ZNF468: variants seen among roughly 807,000 people sequenced by gnomAD.
The protein encoded by ZNF468 is zinc finger protein ZNF468.
A neutral mutation model predicts 7.2 loss-of-function variants in ZNF468; 8 were observed. The observed-to-expected ratio is 1.11, with a 90% CI of 0.65 to 2.01. ZNF468 has a LOEUF of 2.01. Among genes scored for constraint, ZNF468 ranks in the 30% most tolerant of loss-of-function variants. The probability of loss-of-function intolerance (pLI) is 0.00; values close to 1 mark genes in which losing one functional copy is unlikely to be tolerated. For synonymous variants in ZNF468, 218 were observed against 214.4 expected, an observed-to-expected ratio of 1.02 and a Z score of -0.15; for missense variants, 608 against 626.5, an observed-to-expected ratio of 0.97 and a Z score of 0.31.
intron 2 of ZNF468, among the ~76,000 whole-genome samples, chr19:52,850,681 C>T (rs1192142203): frequency 5.9e-5 from 9 of 151,736 alleles, no homozygotes; most frequent in Non-Finnish European, 1.2e-4. Flanking sequence ...GGGCGGATCA[C>T]GAGGTCAGGA....
chr19:52,839,000 CT>C lies in ZNF468; in HGVS notation c.*1724del. 1 of 152,368 alleles carries C rather than the reference CT, an allele frequency of 6.6e-6. No homozygotes were observed. The highest frequency in any genetic ancestry group is 1.9e-4 in the East Asian group (1 of 5,176). 9.4% of individuals were successfully genotyped at this position (152,368 alleles called of 1,614,324 possible). A position where few individuals can be genotyped will look rare whatever the true frequency, so the allele number is the denominator to read the frequency against. On this transcript the variant is annotated 3_prime_UTR_variant, in exon 4 of 4. Transcript: ENST00000595646. Reference sequence around the variant, plus strand: ...AGGCACAGTGGCTCACTCCTGTAATCTCAGCACTTTGGGAGGTGGAGTCGGG... The same window carrying C: ...AGGCACAGTGGCTCACTCCTGTAATCCAGCACTTTGGGAGGTGGAGTCGGG...
chr19:52,839,358 T>G lies in ZNF468; in HGVS notation c.*1367A>C, dbSNP rs534188175. ...CTCCAGTGACCTACCTGTCTTTGCC[T>G]CTCAAAGTGCTGGAATTACAGGCAT... On this transcript the variant is annotated 3_prime_UTR_variant, in exon 4 of 4. Coordinates refer to ENST00000595646, the MANE Select transcript of ZNF468 (RefSeq NM_001008801.2). The G allele has an allele frequency of 1.8e-5, 4 of 218,224 alleles. No homozygotes were observed. The South Asian group carries it at 1.9e-4, about 10-fold the overall frequency. 13.5% of individuals were successfully genotyped at this position (218,224 alleles called of 1,614,324 possible).
rs565823258 is a variant in ZNF468 at position 52,847,489 on chromosome 19, G to A, written c.142+1598C>T. On this transcript the variant is annotated intron_variant, in intron 3 of 3. Coordinates refer to ENST00000595646, the MANE Select transcript of ZNF468 (RefSeq NM_001008801.2). The stretch of plus-strand genomic sequence containing the variant: ...CCTGTAAAGAGCCTGTGCTGAGGAG[G>A]AGTAGTGAAAGAGGGAGGCCTCTTT... 8.1e-3 allele frequency among the ~76,000 whole-genome samples: 1,225 copies of A among 150,566 alleles called. 10 individuals are homozygous for A. The highest frequency in any genetic ancestry group is 0.032 in the South Asian group (147 of 4,660).
rs575678134 is a variant in ZNF468 at position 52,854,484 on chromosome 19, T to C, written c.-73-139A>G. ...CACTGCACAATGAACAAAAAATTCC[T>C]ACAGGAAAACTCCCACTCTCCTCCT... On this transcript the variant is annotated intron_variant, in intron 1 of 3. Coordinates refer to ENST00000595646, the MANE Select transcript of ZNF468 (RefSeq NM_001008801.2). The C allele has an allele frequency of 2.6e-5, 24 of 933,468 alleles. No individual in the cohort carries two copies. The East Asian group carries it at 6.5e-4, about 25-fold the overall frequency. 57.8% of individuals were successfully genotyped at this position (933,468 alleles called of 1,614,324 possible).
Position 52,838,667 on chromosome 19 carries a change from C to T in ZNF468, c.*2058G>A, listed in dbSNP as rs1848692938. On this transcript the variant is annotated 3_prime_UTR_variant, in exon 4 of 4. Transcript: ENST00000595646. ...TTATTTGCAGAATAGAATAACAGCA[C>T]CAAAAATTAGTTGAATTTCCATACA... The T allele has an allele frequency of 6.6e-6, 1 of 151,706 alleles. No individual in the cohort carries two copies. Among genetic ancestry groups the T allele is most frequent in the Non-Finnish European group, 1.5e-5 (1 of 67,914 alleles). 9.4% of individuals were successfully genotyped at this position (151,706 alleles called of 1,614,324 possible). A position where few individuals can be genotyped will look rare whatever the true frequency, so the allele number is the denominator to read the frequency against.
At chr19:52,852,352 GC>G (rs1269174824) in intron 2 of ZNF468, among the ~76,000 whole-genome samples, 2 of 151,570 alleles carry the variant, frequency 1.3e-5, no homozygotes, top group East Asian at 3.9e-4. Flanking sequence ...GGCAACAAGA[GC>G]AAAACTCAGT....
chr19:52,848,517 C>T (rs183934785), intron 3 of ZNF468, among the ~76,000 whole-genome samples: 2 of 152,232 alleles, frequency 1.3e-5, no homozygotes, highest in South Asian at 4.1e-4. Flanking sequence ...GAGAAGCAAA[C>T]AGGAAACTGG....
Position 52,849,399 on chromosome 19 carries a change from T to C in ZNF468, c.16-186A>G, listed in dbSNP as rs182489198. 5.1e-4 allele frequency: 596 copies of C among 1,174,826 alleles called. No individual in the cohort carries two copies. The African/African-American group carries it at 7.7e-3, about 15-fold the overall frequency. The allele number at this position is 1,174,826 out of a possible 1,614,324, so 72.8% of individuals were successfully genotyped here. A position where few individuals can be genotyped will look rare whatever the true frequency, so the allele number is the denominator to read the frequency against. ...ATTTTATTACACTTTTTGAGTATTA[T>C]CAAGACATACTCTCAGTATAAATTT... On this transcript the variant is annotated intron_variant, in intron 2 of 3. Transcript: ENST00000595646.
At chr19:52,851,450 GC>G (rs932752546) in intron 2 of ZNF468, among the ~76,000 whole-genome samples, 1 of 152,046 alleles carries the variant, frequency 6.6e-6, no homozygotes, top group African/African-American at 2.4e-5. Flanking sequence ...GGTGGCACTC[GC>G]CTGTATTCCC....
chr19:52,852,533 T>C (rs2063398683), intron 2 of ZNF468, among the ~76,000 whole-genome samples: 1 of 151,326 alleles, frequency 6.6e-6, no homozygotes, highest in Non-Finnish European at 1.5e-5. Context: ...AAAAATTAGC[T>C]GGGCATGGTG....
At chr19:52,857,246 G>A (rs2063448473) in intron 1 of ZNF468, among the ~76,000 whole-genome samples, 2 of 152,134 alleles carry the variant, frequency 1.3e-5, no homozygotes, top group African/African-American at 4.8e-5. Context: ...GCTGGGAGGC[G>A]CACAGGGTGG....
rs763927904 is a variant in ZNF468 at position 52,842,036 on chromosome 19, A to G, written c.258T>C (p.Cys86=). ...GAATGTCTTTCTCAATTTCATGGAA[A>G]CAAAATTCTCCAATGTGATGACTTG... is the stretch of plus-strand genomic sequence containing the variant. ...RQASHHIGEF[C]FHEIEKDIHG... The change falls in exon 4 of 4, where the codon TGT becomes TGC. Residue 86 remains cysteine, a synonymous_variant. Coordinates refer to ENST00000595646, the MANE Select transcript of ZNF468 (RefSeq NM_001008801.2). The G allele has an allele frequency of 1.1e-5, 18 of 1,613,916 alleles. No individual in the cohort carries two copies. In the East Asian group the frequency reaches 1.6e-4, roughly 14 times the overall value.
rs1759397756 is a variant in ZNF468, at chr19:52,839,361, C to T, written c.*1364G>A. On this transcript the variant is annotated 3_prime_UTR_variant, in exon 4 of 4. Transcript: ENST00000595646. ...CAGTGACCTACCTGTCTTTGCCTCTCAAAGTGCTGGAATTACAGGCATGAG... is the reference window on the plus strand; with the variant it reads ...CAGTGACCTACCTGTCTTTGCCTCTTAAAGTGCTGGAATTACAGGCATGAG... 1 of 217,878 alleles carries T rather than the reference C, an allele frequency of 4.6e-6. No individual in the cohort carries two copies. The highest frequency in any genetic ancestry group is 5.4e-5 in the Admixed American group (1 of 18,452). 13.5% of individuals were successfully genotyped at this position (217,878 alleles called of 1,614,324 possible). A position where few individuals can be genotyped will look rare whatever the true frequency, so the allele number is the denominator to read the frequency against.
chr19:52,854,700 C>T (rs2063421391), intron 1 of ZNF468, among the ~76,000 whole-genome samples: 1 of 152,100 alleles, frequency 6.6e-6, no homozygotes, highest in South Asian at 2.1e-4. Flanking sequence ...ACTAGCCTGG[C>T]CAACATGGTG....
rs896504445 is a variant in ZNF468 at position 52,850,622 on chromosome 19, G to T, written c.16-1409C>A. 1.3e-4 allele frequency among the ~76,000 whole-genome samples: 20 copies of T among 152,196 alleles called. 1 individual carries two copies. Among genetic ancestry groups the T allele is most frequent in the African/African-American group, 4.1e-4 (17 of 41,514 alleles). Reference sequence around the variant, plus strand: ...GCACAAAAAATAACTATTATGGGCCGGGCGCGGTGGCTCACGCCTGTAATC... The same window carrying T: ...GCACAAAAAATAACTATTATGGGCCTGGCGCGGTGGCTCACGCCTGTAATC... On this transcript the variant is annotated intron_variant, in intron 2 of 3. Transcript: ENST00000595646.
At position 52,841,745 on chromosome 19, in the gene ZNF468, C is replaced by A; in HGVS notation, c.549G>T (p.Arg183Ser). 1.2e-6 allele frequency: 2 copies of A among 1,614,004 alleles called. No homozygotes were observed. Among genetic ancestry groups the A allele is most frequent in the South Asian group, 1.1e-5 (1 of 91,064 alleles). Residue 183 changes from arginine (R) to serine (S), a missense_variant, in exon 4 of 4, where the codon AGG (arginine) becomes AGT (serine). Coordinates refer to ENST00000595646, the MANE Select transcript of ZNF468 (RefSeq NM_001008801.2). Reference sequence around the variant, plus strand: ...ACTTATTAGAAATATGGGTTTTGGGCCTACAACAAATTCTTTGGGATGTTG... The same window carrying A: ...ACTTATTAGAAATATGGGTTTTGGGACTACAACAAATTCTTTGGGATGTTG... The part of the protein sequence containing the change: ...SVSTSQRICC[R>S]PKTHISNKYG...
At chr19:52,847,506 G>A (rs763009535) in intron 3 of ZNF468, among the ~76,000 whole-genome samples, 3 of 151,116 alleles carry the variant, frequency 2.0e-5, no homozygotes, top group Non-Finnish European at 4.4e-5. Flanking sequence ...GAAAGAGGGA[G>A]GCCTCTTTGC....
intron 3 of ZNF468, among the ~76,000 whole-genome samples, chr19:52,844,704 A>G (rs1303367235): frequency 6.6e-6 from 1 of 152,062 alleles, no homozygotes; most frequent in Non-Finnish European, 1.5e-5. Context: ...ATGCACAGCT[A>G]ATTTTTGCAT....
chr19:52,841,722 T>C lies in ZNF468; in HGVS notation c.572A>G (p.Lys191Arg). The change falls in exon 4 of 4, where the codon AAG (lysine) becomes AGG (arginine). Residue 191 changes from lysine (K) to arginine (R), a missense_variant. Coordinates refer to ENST00000595646, the MANE Select transcript of ZNF468 (RefSeq NM_001008801.2). ...CCRPKTHISNKYGNNSLHSSL... is the reference protein window; with the variant it reads ...CCRPKTHISNRYGNNSLHSSL... ...AGAATGGAGGGAATTATTTCCATACTTATTAGAAATATGGGTTTTGGGCCT... is the reference window on the plus strand; with the variant it reads ...AGAATGGAGGGAATTATTTCCATACCTATTAGAAATATGGGTTTTGGGCCT... 1 of 1,614,122 alleles carries C rather than the reference T, an allele frequency of 6.2e-7. No homozygotes were observed. The highest frequency in any genetic ancestry group is 1.7e-5 in the Admixed American group (1 of 60,000).
Sources: gnomAD v4.1 joint callset for allele counts (sites outside exome capture counted in the v4.1 genomes callset) on GRCh38, gnomAD v4.1.1 for gene constraint, MANE v1.5 for transcripts, NCBI Gene and HGNC (gene_info 2026-07-23, HGNC 2026-07-21) for gene names.